TCF4: variants seen among roughly 807,000 people sequenced by gnomAD.
TCF4 encodes the protein SL3-3 enhancer factor 2.
In TCF4, 3 loss-of-function variants were observed where a neutral mutation model predicts 82.1. That is an observed-to-expected ratio of 0.04 (90% CI 0.02 to 0.09). The LOEUF (loss-of-function observed/expected upper bound fraction) is 0.09. Among genes scored for constraint, TCF4 ranks in the 10% least tolerant of loss-of-function variants. TCF4 has a pLI of 1.00. For synonymous variants in TCF4, 276 were observed against 309.6 expected (o/e 0.89, Z 1.14); for missense variants, 518 against 852.7 (o/e 0.61, Z 4.89).
chr18:55,289,896 T>G (rs1358880615), intron 8 of TCF4, among the ~76,000 whole-genome samples: 2 of 147,966 alleles, frequency 1.4e-5, no homozygotes, highest in Non-Finnish European at 3.0e-5. Flanking sequence ...AAAAAAAAAA[T>G]GTGCAGGTGT....
intron 3 of TCF4, among the ~76,000 whole-genome samples, chr18:55,538,638 T>C (rs1603620136): frequency 6.6e-6 from 1 of 152,158 alleles, no homozygotes; most frequent in African/African-American, 2.4e-5. Context: ...GTCATCCTAC[T>C]GACATATCAG....
intron 3 of TCF4, among the ~76,000 whole-genome samples, chr18:55,543,368 C>G (rs1000876635): frequency 2.0e-5 from 3 of 151,994 alleles, no homozygotes; most frequent in African/African-American, 7.2e-5. Context: ...ATGCCTGGTA[C>G]AAGGCAAGTG....
intron 3 of TCF4, among the ~76,000 whole-genome samples, chr18:55,527,948 C>A (rs986305842): frequency 1.3e-5 from 2 of 152,110 alleles, no homozygotes; most frequent in Non-Finnish European, 2.9e-5. Flanking sequence ...AGTCCACAGC[C>A]AATTTGGGAG....
chr18:55,509,470 CTT>C (rs2096800902), intron 3 of TCF4, among the ~76,000 whole-genome samples: 1 of 152,060 alleles, frequency 6.6e-6, no homozygotes, highest in South Asian at 2.1e-4. Flanking sequence ...TGATGTCTCT[CTT>C]GACAGTACAG....
At chr18:55,246,891 G>C (rs2053427363) in intron 15 of TCF4, among the ~76,000 whole-genome samples, 1 of 152,216 alleles carries the variant, frequency 6.6e-6, no homozygotes, top group Non-Finnish European at 1.5e-5. Context: ...GCTATTGAAA[G>C]ATGATGTTGA....
At chr18:55,615,001 G>A (rs909109509) in intron 2 of TCF4, among the ~76,000 whole-genome samples, 4 of 152,096 alleles carry the variant, frequency 2.6e-5, no homozygotes, top group African/African-American at 9.7e-5. Context: ...GTGGAAAAAA[G>A]TGAGTTTTCT....
Position 55,254,564 on chromosome 18 carries a change from C to T in TCF4, c.1283G>A (p.Gly428Glu), listed in dbSNP as rs186508321. The T allele has an allele frequency of 6.2e-7, 1 of 1,613,770 alleles. No individual in the cohort carries two copies. The highest frequency in any genetic ancestry group is 1.3e-5 in the African/African-American group (1 of 75,016). ...CCCTGAGCCCAGACCACCCATGGCTCCATTATGAGAAGGTCCAATGATTCC... is the reference window on the plus strand; with the variant it reads ...CCCTGAGCCCAGACCACCCATGGCTTCATTATGAGAAGGTCCAATGATTCC... Reference protein sequence around the residue: ...MHGIIGPSHNGAMGGLGSGYG... With the variant: ...MHGIIGPSHNEAMGGLGSGYG... The change falls in exon 15 of 20, where the codon GGA (glycine) becomes GAA (glutamate). Residue 428 changes from glycine to glutamate, a missense_variant. Coordinates refer to ENST00000354452, the MANE Select transcript of TCF4 (RefSeq NM_001083962.2).
chr18:55,632,393 C>T (rs2097732449), intron 1 of TCF4, among the ~76,000 whole-genome samples: 1 of 152,120 alleles, frequency 6.6e-6, no homozygotes, highest in South Asian at 2.1e-4. Flanking sequence ...TCTGACTGGA[C>T]CCTAACTGTT....
intron 2 of TCF4, among the ~76,000 whole-genome samples, chr18:55,611,266 T>C (rs1374446594): frequency 1.3e-5 from 2 of 152,184 alleles, no homozygotes; most frequent in East Asian, 3.8e-4. Flanking sequence ...ACTAGCATTG[T>C]ACCTCAAAAT....
At chr18:55,602,350 G>A (rs538554301) in intron 2 of TCF4, among the ~76,000 whole-genome samples, 15 of 152,314 alleles carry the variant, frequency 9.8e-5, no homozygotes, top group African/African-American at 3.4e-4. Context: ...CCTTGGCTAG[G>A]AGATGCCTAT....
At chr18:55,274,736 C>T (rs543077854) in intron 10 of TCF4, among the ~76,000 whole-genome samples, 27 of 152,274 alleles carry the variant, frequency 1.8e-4, no homozygotes, top group South Asian at 1.5e-3. Context: ...ATTGTTTAAG[C>T]TATGTTCTTG....
intron 6 of TCF4, among the ~76,000 whole-genome samples, chr18:55,375,883 C>T (rs1569256182): frequency 1.3e-5 from 2 of 151,986 alleles, no homozygotes; most frequent in Non-Finnish European, 2.9e-5. Flanking sequence ...GGAAATTCTC[C>T]TAAGTAGAAA....
At chr18:55,518,858 ACAT>A (rs975987324) in intron 3 of TCF4, 3 of 152,088 alleles carry the variant, frequency 2.0e-5, no homozygotes, top group African/African-American at 7.2e-5. Context: ...CAATTATCCA[ACAT>A]TTTAACAAGC....
At chr18:55,612,809 G>A (rs533282093) in intron 2 of TCF4, among the ~76,000 whole-genome samples, 164 of 152,104 alleles carry the variant, frequency 1.1e-3, no homozygotes, top group African/African-American at 3.7e-3. Flanking sequence ...TTACTTGGGC[G>A]TGGTGGTGCG....
intron 8 of TCF4, among the ~76,000 whole-genome samples, chr18:55,337,243 T>C (rs1378312280): frequency 6.6e-6 from 1 of 152,194 alleles, no homozygotes; most frequent in Non-Finnish European, 1.5e-5. Context: ...ATTTCTAAGC[T>C]TCCTTCCCTG....
At chr18:55,469,235 G>C (rs567915389) in intron 3 of TCF4, among the ~76,000 whole-genome samples, 1 of 152,014 alleles carries the variant, frequency 6.6e-6, no homozygotes, top group Non-Finnish European at 1.5e-5. Flanking sequence ...ATGCCGAGGC[G>C]GGCAGATCAG....
At chr18:55,566,257 T>C (rs955257380) in intron 3 of TCF4, among the ~76,000 whole-genome samples, 4 of 151,780 alleles carry the variant, frequency 2.6e-5, no homozygotes, top group Non-Finnish European at 4.4e-5. Context: ...TAAAAATGTA[T>C]AGACATGGAT....
intron 3 of TCF4, among the ~76,000 whole-genome samples, chr18:55,471,645 A>G (rs1352248228): frequency 6.6e-6 from 1 of 152,146 alleles, no homozygotes; most frequent in Non-Finnish European, 1.5e-5. Context: ...GCACACTTGT[A>G]GTCCCAGCTA....
rs373457670 is a variant in TCF4 at position 55,294,208 on chromosome 18, C to T, written c.550-14552G>A. Among the ~76,000 whole-genome samples the T allele has an allele frequency of 4.0e-3, 594 of 150,348 alleles. 3 individuals carry two copies. The highest frequency in any genetic ancestry group is 0.014 in the African/African-American group (575 of 40,954). On this transcript the variant is annotated intron_variant, in intron 8 of 19. Transcript: ENST00000354452. ...CCAGGAGACGGAGGTTGCAGTGAGC[C>T]GTGATCGCGCCACTGCACTCCAGCC...
Sources: gnomAD v4.1 joint callset for allele counts (sites outside exome capture counted in the v4.1 genomes callset) on GRCh38, gnomAD v4.1.1 for gene constraint, MANE v1.5 for transcripts, NCBI Gene and HGNC (gene_info 2026-07-23, HGNC 2026-07-21) for gene names.